Variants in HMG20A observed in about 807,000 individuals in gnomAD.
HMG20A encodes the protein high mobility group 20A, also known as high mobility group protein 20A.
HMG20A carries 17 observed loss-of-function variants against 43.9 expected under a neutral mutation model. That is an observed-to-expected ratio of 0.39 (90% CI 0.27 to 0.58). The LOEUF (loss-of-function observed/expected upper bound fraction) is 0.58. Among genes scored for constraint, HMG20A ranks in the 20% least tolerant of loss-of-function variants. HMG20A has a pLI of 0.59. For missense variants in HMG20A, 341 were observed against 438.2 expected (o/e 0.78, Z 1.98); for synonymous variants, 132 against 147.5 (o/e 0.89, Z 0.76).
the HMG20A span, among the ~76,000 whole-genome samples, chr15:77,515,385 TA>T: frequency 5.3e-5 from 8 of 151,556 alleles, no homozygotes; most frequent in South Asian, 4.2e-4. Flanking sequence ...CTGTTTTTTT[TA>T]AAAAAAGTTA....
At chr15:77,519,807 G>C in the HMG20A span, among the ~76,000 whole-genome samples, 2 of 152,234 alleles carry the variant, frequency 1.3e-5, no homozygotes, top group Non-Finnish European at 2.9e-5. Flanking sequence ...AGTGGGCAGG[G>C]TAAGGTCTTC....
Position 77,467,205 on chromosome 15 carries a change from G to A in HMG20A, c.348G>A (p.Glu116=), listed in dbSNP as rs2072764571. Reference sequence around the variant, plus strand: ...CAGGATATGTTCGGTTCATGAATGAGCGTCGAGAACAACTTCGAGCAAAGA... The same window carrying A: ...CAGGATATGTTCGGTTCATGAATGAACGTCGAGAACAACTTCGAGCAAAGA... ...PLTGYVRFMN[E]RREQLRAKRP... Residue 116 remains glutamate, a synonymous_variant, in exon 4 of 10, where the codon GAG becomes GAA. Coordinates refer to ENST00000336216, the MANE Select transcript of HMG20A (RefSeq NM_001304504.2). 6.2e-7 allele frequency: 1 copy of A among 1,614,138 alleles called. No individual in the cohort carries two copies.
chr15:77,509,846 G>T, the HMG20A span, among the ~76,000 whole-genome samples: 1 of 151,540 alleles, frequency 6.6e-6, no homozygotes, highest in South Asian at 2.1e-4. Context: ...GGCAGAGGCT[G>T]CAGTGAGCAG....
At chr15:77,500,257 A>G in the HMG20A span, among the ~76,000 whole-genome samples, 665 of 152,316 alleles carry the variant, frequency 4.4e-3, 6 homozygotes, top group African/African-American at 0.015. Flanking sequence ...AGCTAGGTTA[A>G]AGGACCTAAA....
At chr15:77,437,831 C>T (rs989745879) in intron 1 of HMG20A, among the ~76,000 whole-genome samples, 33 of 152,160 alleles carry the variant, frequency 2.2e-4, no homozygotes, top group Admixed American at 2.6e-4. Flanking sequence ...GCCTCGGCCT[C>T]CCAAAGTGTT....
At chr15:77,460,174 G>A (rs1040784347) in intron 2 of HMG20A, among the ~76,000 whole-genome samples, 3 of 152,162 alleles carry the variant, frequency 2.0e-5, no homozygotes, top group African/African-American at 7.2e-5. Flanking sequence ...TTTCACAAGA[G>A]TGTTTTTGGT....
chr15:77,443,937 C>CT (rs1206576782), intron 1 of HMG20A, among the ~76,000 whole-genome samples: 1 of 152,108 alleles, frequency 6.6e-6, no homozygotes, highest in Non-Finnish European at 1.5e-5. Context: ...TCTCAAATTC[C>CT]TAAGATCAAG....
At chr15:77,505,421 G>A in the HMG20A span, among the ~76,000 whole-genome samples, 1 of 152,184 alleles carries the variant, frequency 6.6e-6, no homozygotes, top group African/African-American at 2.4e-5. Flanking sequence ...GCTGGACAGA[G>A]CAAGACCCTG....
the HMG20A span, among the ~76,000 whole-genome samples, chr15:77,494,321 G>A: frequency 6.6e-6 from 1 of 151,964 alleles, no homozygotes; most frequent in Non-Finnish European, 1.5e-5. Flanking sequence ...ATAGAGATGG[G>A]GGTCTCACTA....
chr15:77,513,130 A>G, the HMG20A span, among the ~76,000 whole-genome samples: 1 of 152,244 alleles, frequency 6.6e-6, no homozygotes, highest in African/African-American at 2.4e-5. Context: ...AATCATGGAT[A>G]GGACCCTTTC....
At chr15:77,471,212 C>T (rs1327653958) in intron 5 of HMG20A, among the ~76,000 whole-genome samples, 170 bp downstream of exon 5, 2 of 152,280 alleles carry the variant, frequency 1.3e-5, no homozygotes, top group African/African-American at 2.4e-5. Flanking sequence ...ACATTGCTCT[C>T]ATTTAGAAAT....
At chr15:77,461,457 G>T (rs935460014) in intron 2 of HMG20A, among the ~76,000 whole-genome samples, 1 of 152,174 alleles carries the variant, frequency 6.6e-6, no homozygotes, top group Non-Finnish European at 1.5e-5. Flanking sequence ...AATTGGTATT[G>T]CCAGAAAGGA....
intron 1 of HMG20A, among the ~76,000 whole-genome samples, chr15:77,445,677 G>A (rs923425764): frequency 6.6e-6 from 1 of 152,054 alleles, no homozygotes; most frequent in African/African-American, 2.4e-5. Context: ...CTTCTCTTCT[G>A]CTTTGGGGCC....
chr15:77,513,024 G>A, the HMG20A span, among the ~76,000 whole-genome samples: 1 of 152,320 alleles, frequency 6.6e-6, no homozygotes, highest in South Asian at 2.1e-4. Context: ...TGACCAGCCT[G>A]TAACTGTTCT....
At chr15:77,473,634 G>A (rs531075035) in intron 6 of HMG20A, among the ~76,000 whole-genome samples, 7 of 152,324 alleles carry the variant, frequency 4.6e-5, no homozygotes, top group Admixed American at 4.6e-4. Context: ...TGTAGATTTA[G>A]TCTGTATCAT....
the HMG20A span, among the ~76,000 whole-genome samples, chr15:77,508,342 G>A: frequency 3.2e-4 from 48 of 152,146 alleles, no homozygotes; most frequent in African/African-American, 9.7e-4. Flanking sequence ...AACTCCCTTC[G>A]TTGCTTCTTG....
chr15:77,514,425 C>T, the HMG20A span, among the ~76,000 whole-genome samples: 25 of 152,056 alleles, frequency 1.6e-4, no homozygotes, highest in African/African-American at 5.3e-4. Flanking sequence ...AAGAAGATCT[C>T]GGAGATACTG....
chr15:77,479,404 C>T, intron 9 of HMG20A, 83 bp downstream of exon 9: 1 of 1,317,752 alleles, frequency 7.6e-7, no homozygotes, highest in Non-Finnish European at 1.1e-6. Flanking sequence ...ACTACTAAAA[C>T]CCTGGGATTA....
chr15:77,472,001 A>G (rs1179186989), intron 6 of HMG20A, among the ~76,000 whole-genome samples, 187 bp downstream of exon 6: 43 of 151,956 alleles, frequency 2.8e-4, no homozygotes, highest in Admixed American at 1.3e-4. Context: ...TGTGTCTGTC[A>G]TTGAACTACA....
Sources: allele counts gnomAD v4.1 joint callset (sites outside exome capture counted in the v4.1 genomes callset), GRCh38; gene constraint gnomAD v4.1.1; transcripts MANE v1.5; gene names NCBI Gene and HGNC (gene_info 2026-07-23, HGNC 2026-07-21).